Variants in POLH observed in about 807,000 individuals in gnomAD.
The protein encoded by POLH is DNA polymerase eta.
POLH carries 53 observed loss-of-function variants against 73.6 expected under a neutral mutation model. The observed-to-expected ratio is 0.72, with a 90% CI of 0.58 to 0.91. The LOEUF (loss-of-function observed/expected upper bound fraction) is 0.91. POLH is among the 40% of genes least tolerant of loss of function. The probability of loss-of-function intolerance (pLI) is 0.00; values close to 1 mark genes in which losing one functional copy is unlikely to be tolerated. For synonymous variants in POLH, 292 were observed against 308.5 expected (o/e 0.95, Z 0.56); for missense variants, 768 against 865.4 (o/e 0.89, Z 1.41).
chr6:43,612,197 C>A (rs1310622855), intron 10 of POLH, among the ~76,000 whole-genome samples: 1 of 152,134 alleles, frequency 6.6e-6, no homozygotes, highest in African/African-American at 2.4e-5. Flanking sequence ...CTAATGTACA[C>A]ATGAAACCTT....
In POLH at chr6:43,587,321, G is replaced by C; in HGVS notation, c.322G>C (p.Val108Leu). ...EVMEIMSRFAVIERASIDEAY... is the reference protein window; with the variant it reads ...EVMEIMSRFALIERASIDEAY... ...GATGGAGATAATGTCTCGTTTTGCT[G>C]TGATTGAACGTGCCAGCATTGATGA... Residue 108 changes from valine (V) to leucine (L), a missense_variant, in exon 4 of 11, where the codon GTG becomes CTG. Transcript: ENST00000372236. 1 of 1,614,188 alleles carries C rather than the reference G, an allele frequency of 6.2e-7. No homozygotes were observed. Among genetic ancestry groups the C allele is most frequent in the South Asian group, 1.1e-5 (1 of 91,088 alleles).
intron 1 of POLH, among the ~76,000 whole-genome samples, chr6:43,582,075 C>T (rs888192272): frequency 6.6e-6 from 1 of 152,158 alleles, no homozygotes; most frequent in African/African-American, 2.4e-5. Flanking sequence ...GGATGCTTAA[C>T]TGGTGATTAT....
rs953010338 is a variant in POLH, at chr6:43,616,472, C to A, written c.*1915C>A. On this transcript the variant is annotated 3_prime_UTR_variant, in exon 11 of 11. Transcript: ENST00000372236. The stretch of plus-strand genomic sequence containing the variant: ...GGCTTGGTGGCAGGCGCCTGTAATC[C>A]CAGGTACTCGGGAGACTGAGGCAGG... 6.6e-6 allele frequency among the ~76,000 whole-genome samples: 1 copy of A among 151,454 alleles called. No individual in the cohort carries two copies. The highest frequency in any genetic ancestry group is 1.5e-5 in the Non-Finnish European group (1 of 67,908).
intron 8 of POLH, 92 bp downstream of exon 8, chr6:43,604,830 G>T: frequency 7.6e-7 from 1 of 1,312,040 alleles, no homozygotes; most frequent in Middle Eastern, 1.8e-4. Flanking sequence ...GGTTAGAGGA[G>T]ACCTTTATAA....
chr6:43,596,598 AAG>A (rs2127792987), intron 4 of POLH, among the ~76,000 whole-genome samples: 1 of 152,348 alleles, frequency 6.6e-6, no homozygotes, highest in Non-Finnish European at 1.5e-5. Context: ...TGAGGAATGA[AAG>A]AGAAAATAAG....
chr6:43,580,610 C>A (rs1200344070), intron 1 of POLH, among the ~76,000 whole-genome samples: 1 of 125,244 alleles, frequency 8.0e-6, no homozygotes, highest in South Asian at 2.6e-4. Context: ...CCAGTAGGGG[C>A]GGCCGGGCAG....
Position 43,616,119 on chromosome 6 carries a change from TACAA to T in POLH, c.*1564_*1567del, listed in dbSNP as rs921712394. On this transcript the variant is annotated 3_prime_UTR_variant, in exon 11 of 11. Coordinates refer to ENST00000372236, the MANE Select transcript of POLH (RefSeq NM_006502.3). ...GTGAAACCCCGTCTCTACTAAAAAA[TACAA>T]AAAAAAATTAGCCGGGTGCGGTGGC... Among the ~76,000 whole-genome samples, 47 of 150,308 alleles carry T rather than the reference TACAA, an allele frequency of 3.1e-4. 3 individuals are homozygous for T. Among genetic ancestry groups the T allele is most frequent in the African/African-American group, 1.1e-3 (46 of 40,862 alleles).
At chr6:43,598,201 C>CAAA (rs560020212) in intron 5 of POLH, among the ~76,000 whole-genome samples, 2 of 73,292 alleles carry the variant, frequency 2.7e-5, no homozygotes, top group Non-Finnish European at 2.9e-5. Flanking sequence ...AGACTGTCAC[C>CAAA]AAAAAAAAAA....
intron 4 of POLH, among the ~76,000 whole-genome samples, chr6:43,589,906 G>A (rs1765249561): frequency 6.6e-6 from 1 of 151,536 alleles, no homozygotes; most frequent in African/African-American, 2.4e-5. Context: ...CTTGATTATT[G>A]ATGTGTTGGG....
In POLH at chr6:43,609,037, T is replaced by G. The variant is rs184602186; in HGVS notation, c.1075-1517T>G. On this transcript the variant is annotated intron_variant, in intron 9 of 10. Transcript: ENST00000372236. Reference sequence around the variant, plus strand: ...GTTTCTTTGCCCTGGAGACTCTTTGTTCATATATTCTTAATATTTGCTTCC... The same window carrying G: ...GTTTCTTTGCCCTGGAGACTCTTTGGTCATATATTCTTAATATTTGCTTCC... 3.3e-5 allele frequency among the ~76,000 whole-genome samples: 5 copies of G among 152,328 alleles called. No individual in the cohort carries two copies. In the East Asian group the frequency reaches 9.6e-4, roughly 29 times the overall value.
chr6:43,598,888 G>C (rs1766414171), intron 5 of POLH, among the ~76,000 whole-genome samples: 1 of 151,354 alleles, frequency 6.6e-6, no homozygotes, highest in Non-Finnish European at 1.5e-5. Context: ...AGAGATGACA[G>C]TATTTCCTTA....
chr6:43,618,321 A>C lies in POLH; in HGVS notation c.*3764A>C, dbSNP rs942584216. 2.0e-5 allele frequency among the ~76,000 whole-genome samples: 3 copies of C among 151,932 alleles called. No individual in the cohort carries two copies. In the South Asian group the frequency reaches 6.2e-4, roughly 32 times the overall value. On this transcript the variant is annotated 3_prime_UTR_variant, in exon 11 of 11. Transcript: ENST00000372236. ...CAAGCGTGCACCACCATGCCCAGCT[A>C]ATTTTTGTATTTTTAGTAGAGACAG...
intron 1 of POLH, among the ~76,000 whole-genome samples, chr6:43,580,934 C>CG (rs1367027464): frequency 1.2e-3 from 155 of 131,640 alleles, no homozygotes; most frequent in African/African-American, 3.7e-3. Flanking sequence ...GCTGGCCAGG[C>CG]GGGGGGCTGA....
intron 1 of POLH, among the ~76,000 whole-genome samples, chr6:43,579,387 C>T (rs1337922477): frequency 6.6e-6 from 1 of 152,156 alleles, no homozygotes; most frequent in Non-Finnish European, 1.5e-5. Flanking sequence ...CACATTTCTA[C>T]ACGGATGTCA....
chr6:43,608,108 C>T (rs921481750), intron 9 of POLH, among the ~76,000 whole-genome samples: 2 of 152,088 alleles, frequency 1.3e-5, no homozygotes, highest in Non-Finnish European at 2.9e-5. Context: ...CCAGCATGAG[C>T]AACAAGAGCA....
chr6:43,594,886 T>C (rs1765864378), intron 4 of POLH, among the ~76,000 whole-genome samples: 1 of 135,988 alleles, frequency 7.4e-6, no homozygotes, highest in Non-Finnish European at 1.5e-5. Flanking sequence ...CTACTTCTTA[T>C]GGCCATACAT....
intron 6 of POLH, among the ~76,000 whole-genome samples, chr6:43,602,248 C>G (rs1210957799): frequency 2.0e-5 from 3 of 152,146 alleles, no homozygotes; most frequent in Non-Finnish European, 4.4e-5. Flanking sequence ...AGAGAAGAAG[C>G]CAAGTCAAAT....
intron 10 of POLH, among the ~76,000 whole-genome samples, chr6:43,611,044 C>A (rs1582319752): frequency 1.3e-5 from 2 of 152,190 alleles, no homozygotes; most frequent in South Asian, 4.1e-4. Context: ...TAGTAGGAAT[C>A]TCTGTCTTAG....
At chr6:43,597,098 G>T (rs1297178630) in intron 4 of POLH, among the ~76,000 whole-genome samples, 1 of 152,070 alleles carries the variant, frequency 6.6e-6, no homozygotes, top group Non-Finnish European at 1.5e-5. Flanking sequence ...GGAGATAAAT[G>T]TGTTTACATT....
Sources: allele counts gnomAD v4.1 joint callset (sites outside exome capture counted in the v4.1 genomes callset), GRCh38; gene constraint gnomAD v4.1.1; transcripts MANE v1.5; gene names NCBI Gene and HGNC (gene_info 2026-07-23, HGNC 2026-07-21).